FNDC3A: variants seen among roughly 807,000 people sequenced by gnomAD.
FNDC3A encodes the protein fibronectin type-III domain-containing protein 3A.
FNDC3A carries 32 observed loss-of-function variants against 148.9 expected under a neutral mutation model. The ratio of observed to expected loss-of-function variants is 0.21; its 90% confidence interval spans 0.16 to 0.29. FNDC3A has a LOEUF of 0.29. FNDC3A is among the 10% of genes least tolerant of loss of function. FNDC3A has a pLI of 1.00. For missense variants in FNDC3A, 1,191 were observed against 1,452.8 expected (o/e 0.82, Z 2.93); for synonymous variants, 472 against 473.6 (o/e 1.00, Z 0.04).
At chr13:49,102,531 G>A (rs1044005517) in intron 3 of FNDC3A, among the ~76,000 whole-genome samples, 4 of 152,154 alleles carry the variant, frequency 2.6e-5, no homozygotes, top group African/African-American at 9.7e-5. Flanking sequence ...AACTTAACAA[G>A]ACTTAACTTC....
At chr13:49,157,559 G>A (rs1439721583) in intron 8 of FNDC3A, among the ~76,000 whole-genome samples, 1 of 150,718 alleles carries the variant, frequency 6.6e-6, no homozygotes, top group Non-Finnish European at 1.5e-5. Flanking sequence ...TTCCGTTGCT[G>A]GTGAGGAACT....
intron 2 of FNDC3A, among the ~76,000 whole-genome samples, chr13:49,026,975 G>A (rs1211340324): frequency 6.6e-6 from 1 of 151,956 alleles, no homozygotes; most frequent in Non-Finnish European, 1.5e-5. Context: ...AAGTCCAGAG[G>A]ATACCAACTG....
At chr13:49,154,261 AT>A (rs1465727894) in intron 8 of FNDC3A, among the ~76,000 whole-genome samples, 1 of 145,258 alleles carries the variant, frequency 6.9e-6, no homozygotes, top group Non-Finnish European at 1.5e-5. Context: ...ATTCCTAGGT[AT>A]TTTATTCTCT....
At chr13:49,101,392 A>G (rs1483521026) in intron 3 of FNDC3A, among the ~76,000 whole-genome samples, 2 of 152,184 alleles carry the variant, frequency 1.3e-5, no homozygotes, top group African/African-American at 2.4e-5. Flanking sequence ...TCAGGGTCAG[A>G]GTCAGTCTTT....
chr13:48,989,876 C>T (rs531568783), intron 1 of FNDC3A, among the ~76,000 whole-genome samples: 57 of 152,080 alleles, frequency 3.7e-4, no homozygotes, highest in Non-Finnish European at 4.0e-4. Flanking sequence ...TTCAGCCTCC[C>T]GAGTAGCTGG....
chr13:49,153,628 C>A (rs1201355713), intron 8 of FNDC3A, among the ~76,000 whole-genome samples: 2 of 151,566 alleles, frequency 1.3e-5, no homozygotes, highest in Non-Finnish European at 2.9e-5. Flanking sequence ...CCTAGGTTTT[C>A]TTCTAGGGTT....
chr13:49,027,141 C>T (rs2137655638), intron 2 of FNDC3A, among the ~76,000 whole-genome samples: 1 of 152,238 alleles, frequency 6.6e-6, no homozygotes, highest in African/African-American at 2.4e-5. Flanking sequence ...TCATAGTTAG[C>T]CAGTTGACAC....
At chr13:49,108,437 A>G (rs548509483) in intron 3 of FNDC3A, among the ~76,000 whole-genome samples, 1 of 152,284 alleles carries the variant, frequency 6.6e-6, no homozygotes, top group East Asian at 1.9e-4. Context: ...CTGCTTCAGG[A>G]GAGGATAGGA....
rs117753311 is a variant in FNDC3A at position 49,065,042 on chromosome 13, A to G, written c.100-10247A>G. Reference sequence around the variant, plus strand: ...TTATCTATTGTTGTGTAACAAACCAACTCAAAACTTAGTGCGTCAAATCAG... The same window carrying G: ...TTATCTATTGTTGTGTAACAAACCAGCTCAAAACTTAGTGCGTCAAATCAG... On this transcript the variant is annotated intron_variant, in intron 2 of 25. Coordinates refer to ENST00000492622, the MANE Select transcript of FNDC3A (RefSeq NM_001079673.2). Among the ~76,000 whole-genome samples, 1,062 of 152,316 alleles carry G rather than the reference A, an allele frequency of 7.0e-3. 8 individuals are homozygous for G. The highest frequency in any genetic ancestry group is 0.023 in the South Asian group (110 of 4,826).
chr13:49,094,284 T>A (rs186084414), intron 3 of FNDC3A, among the ~76,000 whole-genome samples: 171 of 152,262 alleles, frequency 1.1e-3, no homozygotes, highest in Non-Finnish European at 2.0e-3. Context: ...GCACAGAGTG[T>A]CCTTGTAAAA....
intron 2 of FNDC3A, among the ~76,000 whole-genome samples, chr13:49,069,023 A>G (rs910973656): frequency 1.3e-5 from 2 of 152,192 alleles, no homozygotes; most frequent in Admixed American, 6.5e-5. Context: ...GTTTACTTAT[A>G]TAACAAACCT....
At chr13:49,203,675 G>A (rs1375454087) in intron 25 of FNDC3A, among the ~76,000 whole-genome samples, 1 of 152,186 alleles carries the variant, frequency 6.6e-6, no homozygotes, top group South Asian at 2.1e-4. Flanking sequence ...AGTGGAGGGG[G>A]AGGGCACTGA....
chr13:48,982,664 A>G (rs1340670826), intron 1 of FNDC3A, among the ~76,000 whole-genome samples: 1 of 152,314 alleles, frequency 6.6e-6, no homozygotes, highest in South Asian at 2.1e-4. Flanking sequence ...TTCCTGCTGC[A>G]TTAATTATAA....
Position 49,136,401 on chromosome 13 carries a change from A to T in FNDC3A, c.560A>T (p.Gln187Leu). The change falls in exon 6 of 26, where the codon CAG (glutamine) becomes CTG (leucine). Residue 187 changes from glutamine to leucine, a missense_variant. This residue lies in a region of FNDC3A where 426 missense variants were observed against 473.2 expected (regional missense o/e 0.90). Coordinates refer to ENST00000492622, the MANE Select transcript of FNDC3A (RefSeq NM_001079673.2). ...TCTAGTAAAACATATGAACGTTTGC[A>T]GAAAAAATTGAAGGATCGCCAAGGA... ...ERSSKTYERL[Q>L]KKLKDRQGTQ... 6.2e-7 allele frequency: 1 copy of T among 1,614,158 alleles called. No individual in the cohort carries two copies. The highest frequency in any genetic ancestry group is 8.5e-7 in the Non-Finnish European group (1 of 1,179,990).
chr13:49,187,516 G>T, intron 16 of FNDC3A: 2 of 1,603,398 alleles, frequency 1.2e-6, no homozygotes, highest in South Asian at 1.1e-5. Context: ...TACAAGAAAG[G>T]GTGTAGCAAA....
intron 8 of FNDC3A, among the ~76,000 whole-genome samples, chr13:49,164,500 A>T (rs1884346170): frequency 6.6e-6 from 1 of 152,118 alleles, no homozygotes; most frequent in Non-Finnish European, 1.5e-5. Context: ...TAGGTTTTCT[A>T]ACCCTTTTAT....
At chr13:49,054,778 C>T (rs554043924) in intron 2 of FNDC3A, among the ~76,000 whole-genome samples, 1 of 152,382 alleles carries the variant, frequency 6.6e-6, no homozygotes, top group Non-Finnish European at 1.5e-5. Flanking sequence ...AGGGCAGTTG[C>T]CTGGCCCTAG....
intron 3 of FNDC3A, among the ~76,000 whole-genome samples, chr13:49,101,794 G>GTTTTTTTTTTTTTTTTTTTTTTTTTTTTA (rs570292116): frequency 9.7e-6 from 1 of 103,374 alleles, no homozygotes. Context: ...ACCTGCTTTA[G>GTTTTTTTTTTTTTTTTTTTTTTTTTTTTA]TTTTTTTTTT....
chr13:49,092,831 A>G (rs1298998168), intron 3 of FNDC3A, among the ~76,000 whole-genome samples: 1 of 150,122 alleles, frequency 6.7e-6, no homozygotes, highest in Non-Finnish European at 1.5e-5. Context: ...CTAATCTGGC[A>G]TGTTGTTTAT....
Sources: allele counts gnomAD v4.1 joint callset (sites outside exome capture counted in the v4.1 genomes callset), GRCh38; gene constraint gnomAD v4.1.1; regional missense constraint gnomAD v4.1.1; transcripts MANE v1.5; gene names NCBI Gene and HGNC (gene_info 2026-07-23, HGNC 2026-07-21).